The following COPA variants were observed in gnomAD, a reference collection of about 807,000 sequenced individuals.
COPA encodes coatomer subunit alpha.
Under a neutral mutation model 158.7 loss-of-function variants are expected in COPA, and 10 were observed. The ratio of observed to expected loss-of-function variants is 0.06; its 90% confidence interval spans 0.04 to 0.11. COPA has a LOEUF of 0.11. Among genes scored for constraint, COPA ranks in the 10% least tolerant of loss-of-function variants. The pLI, the probability that COPA is intolerant of heterozygous loss-of-function variation, is 1.00. For synonymous variants in COPA, 462 were observed against 542.8 expected, an observed-to-expected ratio of 0.85 and a Z score of 2.07; for missense variants, 1,065 against 1,536.7, an observed-to-expected ratio of 0.69 and a Z score of 5.13.
rs910278448 is a variant in COPA, at chr1:160,304,023, C to CT, written c.1667+1409dup. Among the ~76,000 whole-genome samples the CT allele has an allele frequency of 2.5e-3, 369 of 148,054 alleles. 2 individuals are homozygous for CT. Among genetic ancestry groups the CT allele is most frequent in the African/African-American group, 7.8e-3 (318 of 40,536 alleles). On this transcript the variant is annotated intron_variant, in intron 17 of 32. Transcript: ENST00000241704. ...AAGACAAGAAAGGAAATTTTTTGTT[C>CT]TTTTTTTTTTGAGACAGAGTTTCGC...
In COPA at chr1:160,293,181, G is replaced by C; in HGVS notation, c.2808C>G (p.Phe936Leu). ...GGTTACTTACCCGCATGGCTGTTTC[G>C]AAAGAGCCTGCCAGGATGTGATCAA... ...LPVDHILAGSFETAMRLLHDQ... is the reference protein window; with the variant it reads ...LPVDHILAGSLETAMRLLHDQ... The change falls in exon 27 of 33, where the codon TTC becomes TTG. Residue 936 changes from phenylalanine to leucine, a missense_variant. Transcript: ENST00000241704. 1.2e-6 allele frequency: 2 copies of C among 1,614,142 alleles called. No homozygotes were observed.
At chr1:160,332,363 C>T in intron 6 of COPA, 85 bp downstream of exon 6, 1 of 817,490 alleles carries the variant, frequency 1.2e-6, no homozygotes, top group East Asian at 2.6e-5. Context: ...TTTTCCAGTT[C>T]TAAGTCAACT....
At chr1:160,330,580 C>T (rs528185789) in intron 6 of COPA, among the ~76,000 whole-genome samples, 21 of 152,300 alleles carry the variant, frequency 1.4e-4, no homozygotes, top group Admixed American at 5.9e-4. Context: ...GCTACATTAA[C>T]CTAAACTGCT....
chr1:160,304,058 A>G (rs1658700915), intron 17 of COPA, among the ~76,000 whole-genome samples: 1 of 151,950 alleles, frequency 6.6e-6, no homozygotes, highest in Admixed American at 6.6e-5. Context: ...CTCGTTGCCC[A>G]GGCTGGAGTG....
Position 160,322,982 on chromosome 1 carries a change from C to T in COPA, c.706+449G>A, listed in dbSNP as rs74858054. On this transcript the variant is annotated intron_variant, in intron 8 of 32. Coordinates refer to ENST00000241704, the MANE Select transcript of COPA (RefSeq NM_004371.4). ...GGATGAATAAAGAAAATTACATACG[C>T]GCACGTGCACACACACACACACACA... Among the ~76,000 whole-genome samples the T allele has an allele frequency of 1.9e-3, 274 of 146,988 alleles. 3 individuals carry two copies. The East Asian group carries it at 0.026, about 14-fold the overall frequency.
Position 160,330,845 on chromosome 1 carries a change from C to T in COPA, c.496+1603G>A, listed in dbSNP as rs149957304. On this transcript the variant is annotated intron_variant, in intron 6 of 32. Coordinates refer to ENST00000241704, the MANE Select transcript of COPA (RefSeq NM_004371.4). The stretch of plus-strand genomic sequence containing the variant: ...GTCCAGTCACTGACATTTCAAAGAA[C>T]TCAAATCTCCAAGAATTTCTAAGGA... 6.4e-4 allele frequency among the ~76,000 whole-genome samples: 97 copies of T among 152,210 alleles called. No homozygotes were observed. The East Asian group carries it at 0.017, about 27-fold the overall frequency.
intron 25 of COPA, among the ~76,000 whole-genome samples, chr1:160,293,669 A>AT (rs1163130297): frequency 2.0e-5 from 3 of 151,528 alleles, no homozygotes; most frequent in Non-Finnish European, 2.9e-5. Flanking sequence ...TAATTTTTGT[A>AT]TTTTTTTGTA....
intron 17 of COPA, among the ~76,000 whole-genome samples, chr1:160,302,110 C>T (rs1658626498): frequency 1.3e-5 from 2 of 152,024 alleles, no homozygotes; most frequent in Admixed American, 1.3e-4. Flanking sequence ...TCATTACCCA[C>T]AGATACTATG....
intron 7 of COPA, among the ~76,000 whole-genome samples, chr1:160,324,716 T>TA (rs1230291080): frequency 6.6e-6 from 1 of 152,198 alleles, no homozygotes; most frequent in Non-Finnish European, 1.5e-5. Flanking sequence ...TTCATGTTTT[T>TA]AAAAGTTGTT....
At chr1:160,308,015 T>A (rs1048364430) in intron 13 of COPA, among the ~76,000 whole-genome samples, 1 of 152,220 alleles carries the variant, frequency 6.6e-6, no homozygotes, top group Non-Finnish European at 1.5e-5. Context: ...ACACTCCCGT[T>A]TTCCAGGGGC....
intron 10 of COPA, 136 bp from the exon 11 acceptor site, chr1:160,312,154 C>T (rs1405624490): frequency 2.4e-5 from 19 of 795,092 alleles, no homozygotes; most frequent in Non-Finnish European, 3.7e-5. Flanking sequence ...CCTAAATTCT[C>T]ACAATTCTTG....
At chr1:160,323,918 G>A (rs1160402891) in intron 7 of COPA, among the ~76,000 whole-genome samples, 3 of 152,098 alleles carry the variant, frequency 2.0e-5, no homozygotes, top group Non-Finnish European at 4.4e-5. Flanking sequence ...CTGGAGTGCA[G>A]TGGCACGATC....
chr1:160,320,469 G>T (rs1217972301), intron 8 of COPA, among the ~76,000 whole-genome samples: 1 of 151,620 alleles, frequency 6.6e-6, no homozygotes, highest in African/African-American at 2.4e-5. Flanking sequence ...AATTAGCTGG[G>T]TATGGTGGCA....
Position 160,323,439 on chromosome 1 carries a change from C to A in COPA, c.698G>T (p.Arg233Leu). The A allele has an allele frequency of 1.2e-6, 2 of 1,606,958 alleles. No homozygotes were observed. Among genetic ancestry groups the A allele is most frequent in the Non-Finnish European group, 1.7e-6 (2 of 1,175,890 alleles). The change falls in exon 8 of 33, where the codon CGC (arginine) becomes CTC (leucine). Residue 233 changes from arginine (R) to leucine (L), a missense_variant. Arg to Leu is a moderately radical substitution (Grantham distance 102). Coordinates refer to ENST00000241704, the MANE Select transcript of COPA (RefSeq NM_004371.4). ...GTAACCGGTTCACTCACCATTCATG[C>A]GCCAGATCTTCACTTGACGATCATC... ...GADDRQVKIW[R>L]MNESKAWEVD...
At position 160,312,110 on chromosome 1, in the gene COPA, G is replaced by A. The variant is rs184871414; in HGVS notation, c.926-92C>T. On this transcript the variant is annotated intron_variant, in intron 10 of 32. Coordinates refer to ENST00000241704, the MANE Select transcript of COPA (RefSeq NM_004371.4). ...ATACGTAAGGATGAAGATTATATCT[G>A]TAAGACAAGACACCTGAATGCATCC... The A allele has an allele frequency of 1.7e-5, 22 of 1,331,788 alleles. No homozygotes were observed. The East Asian group carries it at 5.2e-4, about 31-fold the overall frequency. 82.5% of individuals were successfully genotyped at this position (1,331,788 alleles called of 1,614,324 possible).
chr1:160,300,253 T>A (rs1571154451), intron 17 of COPA, among the ~76,000 whole-genome samples: 2 of 150,658 alleles, frequency 1.3e-5, no homozygotes, highest in Admixed American at 1.3e-4. Context: ...GGCAGGAGAG[T>A]CACTTGAACC....
At chr1:160,331,574 G>A (rs1338983464) in intron 6 of COPA, among the ~76,000 whole-genome samples, 1 of 151,240 alleles carries the variant, frequency 6.6e-6, no homozygotes, top group Non-Finnish European at 1.5e-5. Flanking sequence ...TTGAATCCGG[G>A]AGGCAGAGGT....
intron 10 of COPA, among the ~76,000 whole-genome samples, chr1:160,312,702 CA>C (rs1349771118): frequency 6.6e-6 from 1 of 152,158 alleles, no homozygotes; most frequent in Non-Finnish European, 1.5e-5. Flanking sequence ...CACTGTGCTC[CA>C]ACTGGCCTCT....
In COPA at chr1:160,294,574, T is replaced by C. The variant is rs2101824243; in HGVS notation, c.2586A>G (p.Thr862=). The change falls in exon 25 of 33, where the codon ACA becomes ACG. Residue 862 remains threonine (T), a synonymous_variant. Transcript: ENST00000241704. ...CAAGAGCATCATCCCCCAAACCTTC[T>C]GTAGCCTCCACAAACCCATCTGTAA... ...QLDEDGFVEA[T]EGLGDDALGK... 5 of 1,614,180 alleles carry C rather than the reference T, an allele frequency of 3.1e-6. No individual in the cohort carries two copies. The highest frequency in any genetic ancestry group is 8.5e-7 in the Non-Finnish European group (1 of 1,180,030).
Sources: gnomAD v4.1 joint callset for allele counts (sites outside exome capture counted in the v4.1 genomes callset) on GRCh38, gnomAD v4.1.1 for gene constraint, MANE v1.5 for transcripts, NCBI Gene and HGNC (gene_info 2026-07-23, HGNC 2026-07-21) for gene names.